The following CCNF variants were observed in gnomAD, a reference collection of about 807,000 sequenced individuals.
CCNF encodes cyclin-F.
CCNF carries 30 observed loss-of-function variants against 85.4 expected under a neutral mutation model. The observed-to-expected ratio is 0.35, with a 90% CI of 0.26 to 0.48. The LOEUF (loss-of-function observed/expected upper bound fraction) is 0.48. Ranked by LOEUF, CCNF falls within the 20% of genes least tolerant of loss-of-function variation. The pLI, the probability that CCNF is intolerant of heterozygous loss-of-function variation, is 0.99. For missense variants in CCNF, 919 were observed against 1,010.4 expected (o/e 0.91, Z 1.23); for synonymous variants, 439 against 425.1 (o/e 1.03, Z -0.40).
intron 12 of CCNF, 29 bp from the exon 13 acceptor site, chr16:2,449,799 C>CTCCATCCCA: frequency 1.4e-6 from 2 of 1,453,654 alleles, no homozygotes; most frequent in Admixed American, 1.7e-5. Context: ...CCTCCATCCC[C>CTCCATCCCA]TCCACCCCTG....
At chr16:2,449,538 G>C in intron 12 of CCNF, 76 bp downstream of exon 12, 3 of 1,421,350 alleles carry the variant, frequency 2.1e-6, no homozygotes, top group Admixed American at 4.0e-5. Context: ...GGGAGGAAAA[G>C]AGTCCAGCAT....
At position 2,439,396 on chromosome 16, in the gene CCNF, CTGCTCATCAGGGA is replaced by C; in HGVS notation, c.641_653del (p.Ala214ValfsTer2). 6.2e-7 allele frequency: 1 copy of C among 1,610,588 alleles called. No homozygotes were observed. Among genetic ancestry groups the C allele is most frequent in the Non-Finnish European group, 8.5e-7 (1 of 1,178,844 alleles). Reference sequence around the variant, plus strand: ...CAGGCCCATGACCTGTTTGAGGAGGCTGCTCATCAGGGATGTCTGACCAGCTCCTACCTCCTCT... The same window carrying C: ...CAGGCCCATGACCTGTTTGAGGAGGCTGTCTGACCAGCTCCTACCTCCTCT... On this transcript the variant is annotated frameshift_variant, in exon 7 of 17. Coordinates refer to ENST00000397066, the MANE Select transcript of CCNF (RefSeq NM_001761.3). LOFTEE classifies it high-confidence loss of function.
At position 2,431,296 on chromosome 16, in the gene CCNF, C is replaced by A; in HGVS notation, c.171+12C>A. 1.9e-6 allele frequency: 3 copies of A among 1,613,116 alleles called. No homozygotes were observed. Among genetic ancestry groups the A allele is most frequent in the Non-Finnish European group, 2.5e-6 (3 of 1,179,380 alleles). On this transcript the variant is annotated intron_variant, in intron 2 of 16. Coordinates refer to ENST00000397066, the MANE Select transcript of CCNF (RefSeq NM_001761.3). ...TGGCCGTCCGAGCTGTAAGTCCCTG[C>A]ATGAAAACACTATGAGCCCTAGCAT...
chr16:2,431,771 C>T (rs1004141101), intron 2 of CCNF, among the ~76,000 whole-genome samples: 1 of 151,752 alleles, frequency 6.6e-6, no homozygotes, highest in Admixed American at 6.6e-5. Flanking sequence ...TACAGAAATT[C>T]CTACTGCTGT....
intron 16 of CCNF, 29 bp downstream of exon 16, chr16:2,455,593 G>A: frequency 1.3e-6 from 2 of 1,574,084 alleles, no homozygotes; most frequent in Non-Finnish European, 1.7e-6. Flanking sequence ...TGCACCAGAA[G>A]GGACATCACA....
Position 2,439,852 on chromosome 16 carries a change from G to A in CCNF, c.777+26G>A, listed in dbSNP as rs566018248. 5.0e-6 allele frequency: 8 copies of A among 1,601,702 alleles called. No individual in the cohort carries two copies. The African/African-American group carries it at 8.0e-5, about 16-fold the overall frequency. On this transcript the variant is annotated intron_variant, in intron 8 of 16. Coordinates refer to ENST00000397066, the MANE Select transcript of CCNF (RefSeq NM_001761.3). The stretch of plus-strand genomic sequence containing the variant: ...GTGAGGTGCGGGGCTGGGATGACGT[G>A]GGGAGCTGGCCTTTCTCCCTCCAGC...
rs777735624 is a variant in CCNF at position 2,437,293 on chromosome 16, A to C, written c.511A>C (p.Ser171Arg). 8.7e-6 allele frequency: 14 copies of C among 1,604,342 alleles called. No individual in the cohort carries two copies. The South Asian group carries it at 8.8e-5, about 10-fold the overall frequency. The change falls in exon 5 of 17, where the codon AGC becomes CGC. Residue 171 changes from serine to arginine, a missense_variant. By Grantham distance (110) the Ser-to-Arg change is moderately radical. Coordinates refer to ENST00000397066, the MANE Select transcript of CCNF (RefSeq NM_001761.3). ...GSCCKAVVHE[S>R]LRAECQLQRT... ...CTGCTGCAAGGCCGTGGTTCACGAG[A>C]GCCTCAGGGCAGAGTGCCAGCTGCA...
Position 2,433,071 on chromosome 16 carries a change from T to A in CCNF, c.278+4T>A, listed in dbSNP as rs764030107. ...GGAACCTGAAGCTCTTTGAAAGGTA[T>A]CTCTGCACCCTGAGAATGGCTCAGT... is the stretch of plus-strand genomic sequence containing the variant. On this transcript the variant is annotated splice_donor_region_variant and intron_variant, in intron 3 of 16. Transcript: ENST00000397066. 6.3e-7 allele frequency: 1 copy of A among 1,586,066 alleles called. No individual in the cohort carries two copies. The highest frequency in any genetic ancestry group is 8.6e-7 in the Non-Finnish European group (1 of 1,156,880).
chr16:2,443,880 C>T, intron 9 of CCNF, 80 bp downstream of exon 9: 12 of 1,354,234 alleles, frequency 8.9e-6, no homozygotes, highest in Non-Finnish European at 1.1e-5. Context: ...TTCCACTTAA[C>T]CCCAGTTACC....
At chr16:2,454,325 G>A (rs1596932330) in intron 15 of CCNF, among the ~76,000 whole-genome samples, 2 of 152,346 alleles carry the variant, frequency 1.3e-5, no homozygotes, top group East Asian at 3.9e-4. Context: ...TGTGTGGAAG[G>A]CAGGAGACCT....
Position 2,456,013 on chromosome 16 carries a change from T to C in CCNF, c.1885+449T>C, listed in dbSNP as rs1237826252. 6.6e-6 allele frequency among the ~76,000 whole-genome samples: 1 copy of C among 152,176 alleles called. No individual in the cohort carries two copies. Among genetic ancestry groups the C allele is most frequent in the Non-Finnish European group, 1.5e-5 (1 of 68,034 alleles). On this transcript the variant is annotated intron_variant, in intron 16 of 16. Coordinates refer to ENST00000397066, the MANE Select transcript of CCNF (RefSeq NM_001761.3). The surrounding 1 kb of genome is among the most constrained non-coding windows in gnomAD (Gnocchi z 4.5). The stretch of plus-strand genomic sequence containing the variant: ...ACAGCAAGACAAAAAATTTAAAAAT[T>C]AGCTGGGCATCGTGGCGTGCGCCTG...
rs2065434502 is a variant in CCNF, at chr16:2,457,200, GA to G, written c.*183del. Reference sequence around the variant, plus strand: ...GTCCCGTGCAAGCCATCAGAATGTTGAAATGAGGGTGAAGAGCTCAGATCCC... The same window carrying G: ...GTCCCGTGCAAGCCATCAGAATGTTGAATGAGGGTGAAGAGCTCAGATCCC... On this transcript the variant is annotated 3_prime_UTR_variant, in exon 17 of 17. Coordinates refer to ENST00000397066, the MANE Select transcript of CCNF (RefSeq NM_001761.3). 3 of 564,718 alleles carry G rather than the reference GA, an allele frequency of 5.3e-6. No individual in the cohort carries two copies. Among genetic ancestry groups the G allele is most frequent in the Non-Finnish European group, 9.3e-6 (3 of 321,594 alleles). 35.0% of individuals were successfully genotyped at this position (564,718 alleles called of 1,614,324 possible).
Position 2,433,020 on chromosome 16 carries a change from C to A in CCNF, c.231C>A (p.Ser77Arg). The A allele has an allele frequency of 6.2e-7, 1 of 1,611,330 alleles. No homozygotes were observed. The highest frequency in any genetic ancestry group is 8.5e-7 in the Non-Finnish European group (1 of 1,177,850). The change falls in exon 3 of 17, where the codon AGC (serine) becomes AGA (arginine). Residue 77 changes from serine to arginine, a missense_variant. Around this residue, in one of 3 missense-constraint regions of CCNF, gnomAD observed 410 missense variants for 478.6 expected, o/e 0.86. Transcript: ENST00000397066. The stretch of plus-strand genomic sequence containing the variant: ...ACGCCAGTGTGTGGGCATGTGCCAG[C>A]TTCCAGGAGCTGTGGCCGTCTCCAG... ...DNHASVWACA[S>R]FQELWPSPGN...
chr16:2,439,821 G>A lies in CCNF; in HGVS notation c.772G>A (p.Ala258Thr). Residue 258 changes from alanine to threonine, a missense_variant, in exon 8 of 17, where the codon GCG becomes ACG. Around this residue, in one of 3 missense-constraint regions of CCNF, gnomAD observed 410 missense variants for 478.6 expected, o/e 0.86. Transcript: ENST00000397066. ...RDYAAKGCWE[A>T]QLSLAKACAN... ...CTACGCTGCCAAAGGCTGCTGGGAA[G>A]CGCAGGTGAGGTGCGGGGCTGGGAT... The A allele has an allele frequency of 6.2e-7, 1 of 1,614,046 alleles. No homozygotes were observed. Among genetic ancestry groups the A allele is most frequent in the Non-Finnish European group, 8.5e-7 (1 of 1,179,896 alleles).
In CCNF at chr16:2,456,069, G is replaced by A. The variant is rs771457669; in HGVS notation, c.1886-476G>A. Among the ~76,000 whole-genome samples, 2 of 152,228 alleles carry A rather than the reference G, an allele frequency of 1.3e-5. No individual in the cohort carries two copies. Among genetic ancestry groups the A allele is most frequent in the Non-Finnish European group, 2.9e-5 (2 of 68,038 alleles). ...CCAGCTACTCAGGAGGCTGAGGTGG[G>A]AGGATCTCTTGAGCACAGGAGGTGG... On this transcript the variant is annotated intron_variant, in intron 16 of 16. Transcript: ENST00000397066. The surrounding 1 kb of genome is among the most constrained non-coding windows in gnomAD (Gnocchi z 4.5).
At chr16:2,449,802 C>CATCCCCTCT in intron 12 of CCNF, 26 bp from the exon 13 acceptor site, 1 of 1,483,502 alleles carries the variant, frequency 6.7e-7, no homozygotes, top group South Asian at 1.1e-5. Context: ...CCATCCCCTC[C>CATCCCCTCT]ACCCCTGGCC....
At chr16:2,432,834 C>T (rs1199535035) in intron 2 of CCNF, 127 bp from the exon 3 acceptor site, 2 of 570,806 alleles carry the variant, frequency 3.5e-6, no homozygotes, top group African/African-American at 3.8e-5. Context: ...GATTGGGGAC[C>T]TCAACTACTT....
rs2141833554 is a variant in CCNF, at chr16:2,456,591, C to T, written c.1932C>T (p.Asn644=). The T allele has an allele frequency of 6.3e-7, 1 of 1,590,488 alleles. No individual in the cohort carries two copies. Among genetic ancestry groups the T allele is most frequent in the South Asian group, 1.1e-5 (1 of 87,620 alleles). The part of the protein sequence containing the change: ...GILDVTVVYL[N]PEQHCCQESS... ...TCGATGTCACCGTGGTCTACCTGAACCCAGAACAGCATTGCTGCCAGGAAT... is the reference window on the plus strand; with the variant it reads ...TCGATGTCACCGTGGTCTACCTGAATCCAGAACAGCATTGCTGCCAGGAAT... Residue 644 remains asparagine (N), a synonymous_variant, in exon 17 of 17, where the codon AAC becomes AAT. Transcript: ENST00000397066. This position sits in a 1 kb window ranked among gnomAD's most constrained non-coding sequence, Gnocchi z 4.5.
In CCNF at chr16:2,431,127, C is replaced by T. The variant is rs533405080; in HGVS notation, c.17-3C>T. 3.7e-6 allele frequency: 6 copies of T among 1,609,824 alleles called. 1 individual carries two copies. In the South Asian group the frequency reaches 5.5e-5, roughly 15 times the overall value. ...TCAAGGCTTCTGTCTTTTTTTCCTT[C>T]AGTGGTCCACTGTAGGTGTGCCAAG... On this transcript the variant is annotated splice_polypyrimidine_tract_variant and splice_region_variant and intron_variant, in intron 1 of 16. Transcript: ENST00000397066.
Sources: allele counts gnomAD v4.1 joint callset (sites outside exome capture counted in the v4.1 genomes callset), GRCh38; gene constraint gnomAD v4.1.1; regional missense constraint gnomAD v4.1.1; non-coding constraint Gnocchi (gnomAD v3.1); transcripts MANE v1.5; gene names NCBI Gene and HGNC (gene_info 2026-07-23, HGNC 2026-07-21).